METAP2: variants seen among roughly 807,000 people sequenced by gnomAD.
METAP2 encodes the protein methionyl aminopeptidase 2, also known as methionine aminopeptidase 2.
In METAP2, 25 loss-of-function variants were observed where a neutral mutation model predicts 59.4. That is an observed-to-expected ratio of 0.42 (90% CI 0.31 to 0.59). The LOEUF is 0.59. Ranked by LOEUF, METAP2 falls within the 20% of genes least tolerant of loss-of-function variation. The pLI is 0.16. For synonymous variants in METAP2, 214 were observed against 194.1 expected (o/e 1.10, Z -0.85); for missense variants, 366 against 581.2 (o/e 0.63, Z 3.81).
At position 95,513,932 on chromosome 12, in the gene METAP2, T is replaced by C; in HGVS notation, c.*28T>C. 6.3e-7 allele frequency: 1 copy of C among 1,580,896 alleles called. No individual in the cohort carries two copies. The highest frequency in any genetic ancestry group is 1.2e-5 in the South Asian group (1 of 85,944). ...TTAGTCCAAAGCCACCTCAACACCT[T>C]TATTTTCTGAGCTTTGTTGGAAAAC... On this transcript the variant is annotated 3_prime_UTR_variant, in exon 11 of 11. Transcript: ENST00000323666.
intron 7 of METAP2, among the ~76,000 whole-genome samples, chr12:95,503,297 C>G (rs2076330456): frequency 6.6e-6 from 1 of 152,140 alleles, no homozygotes; most frequent in South Asian, 2.1e-4. Flanking sequence ...CAGGTTTTCT[C>G]AGGTCTTTCC....
chr12:95,474,383 T>C (rs1485114212), intron 1 of METAP2, 53 bp downstream of exon 1: 1 of 1,593,312 alleles, frequency 6.3e-7, no homozygotes, highest in Non-Finnish European at 8.6e-7. Flanking sequence ...CTGAACTGTT[T>C]GGCTCAGGCC....
At chr12:95,511,775 A>G (rs1368444694) in intron 8 of METAP2, 120 bp from the exon 9 acceptor site, 9 of 623,848 alleles carry the variant, frequency 1.4e-5, no homozygotes, top group Non-Finnish European at 2.5e-5. Flanking sequence ...ATGTAAGGTT[A>G]TTTAGTAAAG....
At chr12:95,474,663 A>AC (rs2076104493) in intron 1 of METAP2, among the ~76,000 whole-genome samples, 1 of 152,128 alleles carries the variant, frequency 6.6e-6, no homozygotes, top group Admixed American at 6.5e-5. Flanking sequence ...GCACAGCCCT[A>AC]CCATCTTTCG....
chr12:95,502,554 G>T (rs1044760294), intron 7 of METAP2, among the ~76,000 whole-genome samples: 120 of 151,796 alleles, frequency 7.9e-4, no homozygotes, highest in African/African-American at 2.5e-3. Context: ...GTGTGTGTGT[G>T]GGGGGGTTTC....
chr12:95,490,094 G>GT (rs113869190), intron 4 of METAP2, among the ~76,000 whole-genome samples: 20 of 150,326 alleles, frequency 1.3e-4, no homozygotes, highest in Non-Finnish European at 2.4e-4. Context: ...TATATATATA[G>GT]TTTTTTTTCT....
chr12:95,496,734 C>T (rs1173280454), intron 7 of METAP2, among the ~76,000 whole-genome samples: 1 of 151,828 alleles, frequency 6.6e-6, no homozygotes, highest in Non-Finnish European at 1.5e-5. Context: ...CCAGCTTTTC[C>T]CCACCCACTC....
chr12:95,502,871 C>T (rs67978605), intron 7 of METAP2, among the ~76,000 whole-genome samples: 11,448 of 150,982 alleles, frequency 0.076, 563 homozygotes, highest in African/African-American at 0.13. Context: ...ATTTCAGTTA[C>T]TGTACTTTTC....
At chr12:95,507,297 G>T (rs2076368550) in intron 8 of METAP2, among the ~76,000 whole-genome samples, 1 of 152,200 alleles carries the variant, frequency 6.6e-6, no homozygotes, top group South Asian at 2.1e-4. Flanking sequence ...TTGTCATTCT[G>T]TCCCCTTCTC....
At chr12:95,486,005 A>G (rs375637960) in intron 4 of METAP2, 24 bp downstream of exon 4, 8 of 1,465,446 alleles carry the variant, frequency 5.5e-6, no homozygotes, top group Non-Finnish European at 7.5e-6. Context: ...AATCACTTCC[A>G]GTTTAATTTC....
rs1458824774 is a variant in METAP2, at chr12:95,495,835, ATT to A, written c.773-166_773-165del. Among the ~76,000 whole-genome samples the A allele has an allele frequency of 5.5e-4, 83 of 151,948 alleles. 1 individual carries two copies. The highest frequency in any genetic ancestry group is 2.9e-5 in the Non-Finnish European group (2 of 67,970). ...TTCTGAATCCTTTATATACTTCTAC[ATT>A]TTGTCTCTTTGATTATGAATGATCT... On this transcript the variant is annotated intron_variant, in intron 6 of 10. Coordinates refer to ENST00000323666, the MANE Select transcript of METAP2 (RefSeq NM_006838.4).
chr12:95,512,493 AGT>A (rs2076410492), intron 9 of METAP2, among the ~76,000 whole-genome samples: 1 of 152,132 alleles, frequency 6.6e-6, no homozygotes, highest in African/African-American at 2.4e-5. Flanking sequence ...AGATCACCTG[AGT>A]GAGGTCAGGA....
At position 95,504,051 on chromosome 12, in the gene METAP2, T is replaced by TA; in HGVS notation, c.868-13dup. ...GCACTTTGAATAATAAAGCATATGT[T>TA]ACTCTTTTTTTAGTGTGCTGGAATT... is the stretch of plus-strand genomic sequence containing the variant. On this transcript the variant is annotated splice_polypyrimidine_tract_variant and intron_variant, in intron 7 of 10. Transcript: ENST00000323666. 3 of 1,598,928 alleles carry TA rather than the reference T, an allele frequency of 1.9e-6. 1 individual carries two copies. The highest frequency in any genetic ancestry group is 2.3e-5 in the South Asian group (2 of 88,212).
intron 3 of METAP2, 160 bp downstream of exon 3, chr12:95,483,440 C>T (rs2076173726): frequency 5.1e-6 from 2 of 394,426 alleles, no homozygotes; most frequent in African/African-American, 4.7e-5. Flanking sequence ...TGTGCCACTG[C>T]ACTGCAGCCT....
intron 3 of METAP2, among the ~76,000 whole-genome samples, chr12:95,483,892 T>A (rs963976782): frequency 2.6e-5 from 4 of 152,180 alleles, no homozygotes; most frequent in Non-Finnish European, 5.9e-5. Flanking sequence ...TCCCGTTATT[T>A]AAGATGTGTG....
intron 6 of METAP2, among the ~76,000 whole-genome samples, chr12:95,495,675 C>T (rs1262018432): frequency 6.6e-6 from 1 of 152,056 alleles, no homozygotes; most frequent in Non-Finnish European, 1.5e-5. Context: ...CTCTGCCCTG[C>T]GTTACTATTT....
At chr12:95,476,378 A>G (rs301010) in intron 2 of METAP2, among the ~76,000 whole-genome samples, 200 bp downstream of exon 2, 29,354 of 151,328 alleles carry the variant, frequency 0.19, 3,220 homozygotes, top group African/African-American at 0.29. Flanking sequence ...CGGGTGTGGT[A>G]GCACACACCT....
intron 7 of METAP2, among the ~76,000 whole-genome samples, chr12:95,502,846 C>T (rs182981833): frequency 6.6e-6 from 1 of 151,638 alleles, no homozygotes; most frequent in Non-Finnish European, 1.5e-5. Flanking sequence ...TTTGAATTCT[C>T]CTTGTGAATT....
intron 7 of METAP2, 62 bp downstream of exon 7, chr12:95,496,160 C>T: frequency 9.5e-7 from 1 of 1,055,932 alleles, no homozygotes; most frequent in Non-Finnish European, 1.4e-6. Flanking sequence ...GTCTTTTAAA[C>T]ACTTAACAGC....
Sources: gnomAD v4.1 joint callset for allele counts (sites outside exome capture counted in the v4.1 genomes callset) on GRCh38, gnomAD v4.1.1 for gene constraint, MANE v1.5 for transcripts, NCBI Gene and HGNC (gene_info 2026-07-23, HGNC 2026-07-21) for gene names.